Variants in CHD6 observed in about 807,000 individuals in gnomAD.
CHD6 encodes chromodomain helicase DNA binding protein 6.
In CHD6, 50 loss-of-function variants were observed where a neutral mutation model predicts 276.9. That is an observed-to-expected ratio of 0.18 (90% CI 0.14 to 0.23). CHD6 has a LOEUF of 0.23. Ranked by LOEUF, CHD6 falls within the 10% of genes least tolerant of loss-of-function variation. The pLI is 1.00. For missense variants in CHD6, 2,564 were observed against 3,365.8 expected, an observed-to-expected ratio of 0.76 and a Z score of 5.89; for synonymous variants, 1,173 against 1,229.3, an observed-to-expected ratio of 0.95 and a Z score of 0.96.
chr20:41,566,293 C>CT (rs2045354649), intron 1 of CHD6, among the ~76,000 whole-genome samples: 1 of 151,872 alleles, frequency 6.6e-6, no homozygotes, highest in African/African-American at 2.4e-5. Flanking sequence ...TTTTCTAGTA[C>CT]TTATTAGAGA....
At chr20:41,572,353 C>G in intron 1 of CHD6, among the ~76,000 whole-genome samples, 1 of 152,184 alleles carries the variant, frequency 6.6e-6, no homozygotes. Flanking sequence ...GCACAAAGCA[C>G]AAAGCACATG....
At chr20:41,426,352 G>GT (rs200460039) in intron 27 of CHD6, among the ~76,000 whole-genome samples, 199 bp from the exon 28 acceptor site, 1,561 of 150,650 alleles carry the variant, frequency 0.01, 25 homozygotes, top group African/African-American at 0.029. Context: ...TTTAAAATAA[G>GT]TTTTTTTTTT....
chr20:41,518,615 G>A (rs2044310076), intron 3 of CHD6, among the ~76,000 whole-genome samples: 1 of 152,116 alleles, frequency 6.6e-6, no homozygotes, highest in Non-Finnish European at 1.5e-5. Context: ...CTTATTTGCA[G>A]GTAAAGAAGA....
intron 2 of CHD6, among the ~76,000 whole-genome samples, chr20:41,546,686 T>C (rs899636502): frequency 1.3e-5 from 2 of 152,218 alleles, no homozygotes; most frequent in African/African-American, 4.8e-5. Context: ...TTTTCAATGA[T>C]TAGAGTTCAC....
Position 41,405,322 on chromosome 20 carries a change from A to T in CHD6, c.7419T>A (p.Ile2473=), listed in dbSNP as rs201285414. The T allele has an allele frequency of 2.9e-5, 47 of 1,614,216 alleles. No individual in the cohort carries two copies. The East Asian group carries it at 8.9e-4, about 31-fold the overall frequency. ...GAAGTCCTACCAGGTCCATCCCAGCAATCAGTCCATTCATGAACAGTGGCC... is the reference window on the plus strand; with the variant it reads ...GAAGTCCTACCAGGTCCATCCCAGCTATCAGTCCATTCATGAACAGTGGCC... The part of the protein sequence containing the change: ...GMGPLFMNGL[I]AGMDLVGLQN... Residue 2473 remains isoleucine (I), a synonymous_variant, in exon 37 of 37, where the codon ATT becomes ATA. Coordinates refer to ENST00000373233, the MANE Select transcript of CHD6 (RefSeq NM_032221.5).
intron 3 of CHD6, among the ~76,000 whole-genome samples, chr20:41,528,460 T>C (rs751464474): frequency 6.6e-6 from 1 of 152,224 alleles, no homozygotes; most frequent in Non-Finnish European, 1.5e-5. Flanking sequence ...ATATGAGTTA[T>C]ACCAAATGAA....
intron 1 of CHD6, among the ~76,000 whole-genome samples, chr20:41,580,177 T>G (rs1294393140): frequency 6.6e-6 from 1 of 152,108 alleles, no homozygotes; most frequent in Admixed American, 6.5e-5. Flanking sequence ...GATAAAGGGG[T>G]TCAGCAGGCA....
intron 17 of CHD6, among the ~76,000 whole-genome samples, chr20:41,463,386 T>C (rs2042846361): frequency 6.6e-6 from 1 of 152,226 alleles, no homozygotes. Context: ...AGTTCCAATT[T>C]ATTTCTCCAA....
intron 28 of CHD6, 65 bp from the exon 29 acceptor site, chr20:41,425,459 G>C (rs2047332848): frequency 6.9e-7 from 1 of 1,452,806 alleles, no homozygotes; most frequent in Non-Finnish European, 9.4e-7. Flanking sequence ...ACTGTCTTTT[G>C]GTTTTGTTTA....
At position 41,403,850 on chromosome 20, in the gene CHD6, A is replaced by C; in HGVS notation, c.*743T>G. 6.6e-6 allele frequency: 7 copies of C among 1,057,612 alleles called. No homozygotes were observed. The highest frequency in any genetic ancestry group is 8.0e-6 in the Non-Finnish European group (7 of 874,454). 65.5% of individuals were successfully genotyped at this position (1,057,612 alleles called of 1,614,324 possible). ...TCCTTGCCCCACCCCCGTCGACAGC[A>C]ATAACTCATGGTGGGTAAAGCTTTC... On this transcript the variant is annotated 3_prime_UTR_variant, in exon 37 of 37. Transcript: ENST00000373233.
At chr20:41,577,173 T>C (rs951007139) in intron 1 of CHD6, among the ~76,000 whole-genome samples, 2 of 152,246 alleles carry the variant, frequency 1.3e-5, no homozygotes, top group Admixed American at 1.3e-4. Flanking sequence ...AGAGTCTCTA[T>C]AGTATCTCCT....
At chr20:41,422,476 T>C (rs2145478604) in intron 30 of CHD6, among the ~76,000 whole-genome samples, 1 of 150,382 alleles carries the variant, frequency 6.6e-6, no homozygotes, top group Non-Finnish European at 1.5e-5. Context: ...CCACCCCCCA[T>C]GTCTACAAAA....
chr20:41,431,956 C>T (rs969177185), intron 27 of CHD6, among the ~76,000 whole-genome samples: 11 of 151,472 alleles, frequency 7.3e-5, no homozygotes, highest in Admixed American at 2.6e-4. Context: ...GTCAGGAGTT[C>T]GAGACCAGCC....
chr20:41,542,118 T>C (rs1198895221), intron 2 of CHD6, among the ~76,000 whole-genome samples: 1 of 152,204 alleles, frequency 6.6e-6, no homozygotes, highest in African/African-American at 2.4e-5. Context: ...AACCTCACAG[T>C]AACTCAATTT....
At chr20:41,558,696 T>A (rs964513092) in intron 1 of CHD6, among the ~76,000 whole-genome samples, 2 of 152,094 alleles carry the variant, frequency 1.3e-5, no homozygotes, top group Non-Finnish European at 2.9e-5. Flanking sequence ...CCATCTGTAT[T>A]TGAGATCCAC....
chr20:41,436,749 G>A (rs1320517697), intron 27 of CHD6, among the ~76,000 whole-genome samples: 1 of 151,796 alleles, frequency 6.6e-6, no homozygotes, highest in African/African-American at 2.4e-5. Flanking sequence ...GCATGAAAAA[G>A]CCAATCCCCA....
intron 1 of CHD6, among the ~76,000 whole-genome samples, chr20:41,608,289 T>C (rs182279990): frequency 1.3e-5 from 2 of 152,248 alleles, no homozygotes; most frequent in African/African-American, 4.8e-5. Context: ...TTTACCAAAA[T>C]AGTACAACAA....
chr20:41,572,928 TAG>T (rs2045434121), intron 1 of CHD6, among the ~76,000 whole-genome samples: 1 of 152,062 alleles, frequency 6.6e-6, no homozygotes, highest in Non-Finnish European at 1.5e-5. Context: ...TTTTTTTTTT[TAG>T]ACTGAGTCTT....
chr20:41,415,706 C>T, intron 33 of CHD6, 68 bp from the exon 34 acceptor site: 1 of 1,219,960 alleles, frequency 8.2e-7, no homozygotes, highest in Non-Finnish European at 1.1e-6. Context: ...GCTCTTTCTC[C>T]AGGCCTGATT....
Sources: allele counts gnomAD v4.1 joint callset (sites outside exome capture counted in the v4.1 genomes callset), GRCh38; gene constraint gnomAD v4.1.1; transcripts MANE v1.5; gene names NCBI Gene and HGNC (gene_info 2026-07-23, HGNC 2026-07-21).